Variants in RBFOX2 observed in about 807,000 individuals in gnomAD.
The protein encoded by RBFOX2 is RNA binding protein fox-1 homolog 2.
A neutral mutation model predicts 49.1 loss-of-function variants in RBFOX2; 10 were observed. The observed-to-expected ratio is 0.20, with a 90% CI of 0.13 to 0.35. The LOEUF is 0.35. Among genes scored for constraint, RBFOX2 ranks in the 10% least tolerant of loss-of-function variants. RBFOX2 has a pLI of 1.00. For missense variants in RBFOX2, 323 were observed against 486.9 expected, an observed-to-expected ratio of 0.66 and a Z score of 3.17; for synonymous variants, 183 against 187.4, an observed-to-expected ratio of 0.98 and a Z score of 0.19.
chr22:35,962,114 T>C (rs952402730), upstream of RBFOX2, among the ~76,000 whole-genome samples: 3 of 152,226 alleles, frequency 2.0e-5, no homozygotes, highest in Non-Finnish European at 4.4e-5. Context: ...GTTCCGCTGT[T>C]TCCTTCCATC....
At chr22:35,813,045 T>A (rs35889705) in intron 1 of RBFOX2, among the ~76,000 whole-genome samples, 152,353 of 152,354 alleles carry the variant, frequency 1, 76,176 homozygotes, top group Non-Finnish European at 1. Flanking sequence ...CTAGAGGGGT[T>A]ATGTACCTCC....
At chr22:35,880,163 A>G (rs954834235) in intron 1 of RBFOX2, among the ~76,000 whole-genome samples, 1 of 152,066 alleles carries the variant, frequency 6.6e-6, no homozygotes, top group Non-Finnish European at 1.5e-5. Context: ...AAAAAAAAAA[A>G]GGAAGAAGAG....
At chr22:36,011,598 C>T (rs532477808) in intron 1 of RBFOX2, among the ~76,000 whole-genome samples, 1 of 152,162 alleles carries the variant, frequency 6.6e-6, no homozygotes, top group Admixed American at 6.5e-5. Flanking sequence ...AGAAATATTA[C>T]GTAGGCACTG....
At chr22:35,945,796 T>A (rs761050520) in intron 1 of RBFOX2, among the ~76,000 whole-genome samples, 6 of 151,884 alleles carry the variant, frequency 4.0e-5, no homozygotes, top group Non-Finnish European at 5.9e-5. Context: ...ACCATAAGAG[T>A]TCAAAATACC....
At chr22:35,849,298 A>AACACACACACACACACAC (rs61515031) in intron 1 of RBFOX2, among the ~76,000 whole-genome samples, 15 of 133,238 alleles carry the variant, frequency 1.1e-4, no homozygotes, top group Non-Finnish European at 2.0e-4. Flanking sequence ...TACACACACA[A>AACACACACACACACACAC]ACACACACAC....
At chr22:35,999,981 A>G (rs2058342192) in intron 1 of RBFOX2, 1 of 121,532 alleles carries the variant, frequency 8.2e-6, no homozygotes, top group Non-Finnish European at 1.7e-5. Context: ...GAAATATAAA[A>G]GTTATATATA....
intron 1 of RBFOX2, chr22:35,897,159 T>G: frequency 1.7e-6 from 1 of 575,268 alleles, no homozygotes; most frequent in Non-Finnish European, 3.1e-6. Flanking sequence ...TGGTGGGATC[T>G]TATTCACTGT....
At chr22:35,866,436 C>G (rs992786064) in intron 1 of RBFOX2, among the ~76,000 whole-genome samples, 29 of 152,250 alleles carry the variant, frequency 1.9e-4, no homozygotes, top group African/African-American at 6.0e-4. Flanking sequence ...ACACATGCAT[C>G]TCTTTGATAG....
At chr22:35,971,014 C>T (rs1354955648) in intron 1 of RBFOX2, among the ~76,000 whole-genome samples, 2 of 152,082 alleles carry the variant, frequency 1.3e-5, no homozygotes, top group Non-Finnish European at 2.9e-5. Context: ...TAAAATATAT[C>T]CCTGGTGGAA....
chr22:35,814,619 G>A (rs1261780031), intron 1 of RBFOX2, among the ~76,000 whole-genome samples: 1 of 143,296 alleles, frequency 7.0e-6, no homozygotes, highest in Non-Finnish European at 1.5e-5. Flanking sequence ...GCTGAGACAA[G>A]AGGATCACTT....
intron 1 of RBFOX2, among the ~76,000 whole-genome samples, chr22:35,835,306 G>C (rs990947038): frequency 1.3e-5 from 2 of 152,136 alleles, no homozygotes; most frequent in Non-Finnish European, 1.5e-5. Flanking sequence ...GGTGGGTAAG[G>C]GGGGGCTGTA....
chr22:35,936,662 G>A (rs1291434700), intron 1 of RBFOX2, among the ~76,000 whole-genome samples: 1 of 152,120 alleles, frequency 6.6e-6, no homozygotes, highest in Non-Finnish European at 1.5e-5. Context: ...TTAAACCATG[G>A]CAAAGGGTCT....
At chr22:35,872,062 T>C (rs2044421585) in intron 1 of RBFOX2, among the ~76,000 whole-genome samples, 1 of 152,208 alleles carries the variant, frequency 6.6e-6, no homozygotes, top group Non-Finnish European at 1.5e-5. Flanking sequence ...TACCAAATCC[T>C]GACAAGTAAG....
At chr22:35,979,650 T>A (rs752767716) in intron 1 of RBFOX2, among the ~76,000 whole-genome samples, 2 of 152,136 alleles carry the variant, frequency 1.3e-5, no homozygotes, top group Non-Finnish European at 2.9e-5. Context: ...GAGTTTGGGG[T>A]GTTTTGTGGG....
At chr22:36,012,002 G>A (rs2058840350) in intron 1 of RBFOX2, among the ~76,000 whole-genome samples, 3 of 151,890 alleles carry the variant, frequency 2.0e-5, no homozygotes, top group Admixed American at 1.3e-4. Flanking sequence ...CAGCTCTGAT[G>A]ATTTTATACT....
At chr22:35,812,217 C>CT (rs1952029747) in intron 1 of RBFOX2, among the ~76,000 whole-genome samples, 1 of 151,206 alleles carries the variant, frequency 6.6e-6, no homozygotes, top group Non-Finnish European at 1.5e-5. Context: ...ACTGACATCG[C>CT]TGCCATTAAA....
At chr22:35,936,834 T>C (rs925897156) in intron 1 of RBFOX2, among the ~76,000 whole-genome samples, 5 of 152,232 alleles carry the variant, frequency 3.3e-5, no homozygotes, top group African/African-American at 1.2e-4. Flanking sequence ...CTTATTGATC[T>C]ATAATCCCCA....
intron 1 of RBFOX2, chr22:35,999,384 A>AC (rs1438616607): frequency 1.3e-5 from 2 of 150,280 alleles, no homozygotes; most frequent in Non-Finnish European, 3.0e-5. Context: ...GTCTCTACAA[A>AC]AAAAAAAAAA....
intron 1 of RBFOX2, among the ~76,000 whole-genome samples, chr22:35,959,999 TA>T (rs2056022017): frequency 6.6e-6 from 1 of 152,212 alleles, no homozygotes; most frequent in Non-Finnish European, 1.5e-5. Context: ...TTATTTGTAT[TA>T]TTTTTATTGT....
Sources: allele counts gnomAD v4.1 joint callset (sites outside exome capture counted in the v4.1 genomes callset), GRCh38; gene constraint gnomAD v4.1.1; transcripts MANE v1.5; gene names NCBI Gene and HGNC (gene_info 2026-07-23, HGNC 2026-07-21).